CAST: variants seen among roughly 807,000 people sequenced by gnomAD.
CAST encodes the protein MIR583 host.
In CAST, 76 loss-of-function variants were observed where a neutral mutation model predicts 119.6. The ratio of observed to expected loss-of-function variants is 0.64; its 90% CI spans 0.53 to 0.77. The LOEUF is 0.77. CAST is among the 30% of genes least tolerant of loss of function. The pLI is 0.00. For missense variants in CAST, 953 were observed against 946.5 expected, an observed-to-expected ratio of 1.01 and a Z score of -0.09; for synonymous variants, 319 against 331.6, an observed-to-expected ratio of 0.96 and a Z score of 0.41.
chr5:96,101,174 T>C, the CAST span, among the ~76,000 whole-genome samples: 1 of 152,200 alleles, frequency 6.6e-6, no homozygotes, highest in East Asian at 1.9e-4. Flanking sequence ...GCCAAAGTGC[T>C]AGGATTACAG....
the CAST span, among the ~76,000 whole-genome samples, chr5:96,304,748 T>G: frequency 6.6e-6 from 1 of 152,242 alleles, no homozygotes; most frequent in Non-Finnish European, 1.5e-5. Context: ...TTGTCAAAGA[T>G]CAGATGGTTG....
intron 2 of CAST, among the ~76,000 whole-genome samples, chr5:96,681,577 C>G (rs896309883): frequency 1.3e-5 from 2 of 151,190 alleles, no homozygotes; most frequent in African/African-American, 4.9e-5. Flanking sequence ...ACTAAAAATA[C>G]AAAAAATTAG....
intron 1 of CAST, among the ~76,000 whole-genome samples, chr5:96,652,625 AT>A (rs745597922): frequency 2.6e-5 from 4 of 152,214 alleles, no homozygotes; most frequent in Non-Finnish European, 5.9e-5. Context: ...GACACACAGC[AT>A]TTGGCCTAAC....
chr5:96,271,427 A>G, the CAST span, among the ~76,000 whole-genome samples: 2 of 152,192 alleles, frequency 1.3e-5, no homozygotes, highest in African/African-American at 4.8e-5. Context: ...AACAGAATAG[A>G]GAACACAGAT....
the CAST span, among the ~76,000 whole-genome samples, chr5:96,319,821 T>G: frequency 2.6e-5 from 4 of 151,904 alleles, no homozygotes; most frequent in South Asian, 8.3e-4. Context: ...AAGTCAGGTG[T>G]CTGAACCTAG....
At chr5:96,384,851 G>C in the CAST span, among the ~76,000 whole-genome samples, 1 of 152,148 alleles carries the variant, frequency 6.6e-6, no homozygotes, top group Non-Finnish European at 1.5e-5. Flanking sequence ...GTACACGCTA[G>C]TATATATAAA....
chr5:96,442,585 A>G, the CAST span, among the ~76,000 whole-genome samples: 1 of 152,248 alleles, frequency 6.6e-6, no homozygotes. Flanking sequence ...TTGTAGGACA[A>G]TCATTTTCAG....
rs567307311 is a variant in CAST, at chr5:96,580,807, T to C, written c.60+50927T>C. Among the ~76,000 whole-genome samples, 10 of 152,354 alleles carry C rather than the reference T, an allele frequency of 6.6e-5. No individual in the cohort carries two copies. In the South Asian group the frequency reaches 1.9e-3, roughly 28 times the overall value. The stretch of plus-strand genomic sequence containing the variant: ...AAGCTAGAAATTGCTATGGTATGAA[T>C]GTTTCTGTCTCCTCAAAAATCGTGT... On this transcript the variant is annotated intron_variant, in intron 1 of 11. Transcript: ENST00000505143.
the CAST span, among the ~76,000 whole-genome samples, chr5:96,507,844 C>T: frequency 1.4e-4 from 21 of 152,172 alleles, 1 homozygote; most frequent in African/African-American, 5.1e-4. Context: ...TTAATCCACT[C>T]CCTTTCATGA....
At chr5:96,368,511 A>C in the CAST span, among the ~76,000 whole-genome samples, 3 of 151,656 alleles carry the variant, frequency 2.0e-5, no homozygotes, top group Non-Finnish European at 2.9e-5. Flanking sequence ...AAAAAAAAAA[A>C]AAAACAAAAA....
At chr5:96,214,286 C>A in the CAST span, among the ~76,000 whole-genome samples, 1 of 152,136 alleles carries the variant, frequency 6.6e-6, no homozygotes, top group Admixed American at 6.5e-5. Context: ...ATAAGCCATA[C>A]ATTTCCGGAG....
the CAST span, among the ~76,000 whole-genome samples, chr5:96,198,157 A>C: frequency 6.6e-6 from 1 of 152,128 alleles, no homozygotes; most frequent in African/African-American, 2.4e-5. Flanking sequence ...CGGCCTTTGC[A>C]GAGATGGGCT....
the CAST span, among the ~76,000 whole-genome samples, chr5:96,446,179 CA>C: frequency 3.5e-3 from 398 of 113,982 alleles, 2 homozygotes; most frequent in Admixed American, 6.4e-3. Context: ...TTTTAGTGTA[CA>C]AAAAAAAAAA....
chr5:96,541,080 C>T (rs893977510), intron 1 of CAST, among the ~76,000 whole-genome samples: 3 of 152,224 alleles, frequency 2.0e-5, no homozygotes, highest in Admixed American at 1.3e-4. Context: ...ACGTTTCCTT[C>T]CCTGTAGAGT....
chr5:96,156,008 G>T, the CAST span, among the ~76,000 whole-genome samples: 12 of 152,194 alleles, frequency 7.9e-5, no homozygotes, highest in African/African-American at 2.9e-4. Context: ...CAACCTTCTC[G>T]AAGCCTTTTG....
At chr5:96,051,272 C>T in the CAST span, among the ~76,000 whole-genome samples, 5 of 152,002 alleles carry the variant, frequency 3.3e-5, no homozygotes, top group Non-Finnish European at 5.9e-5. Flanking sequence ...TGACATTAGA[C>T]GTCAAGTATG....
chr5:96,451,982 C>T, the CAST span, among the ~76,000 whole-genome samples: 1 of 152,320 alleles, frequency 6.6e-6, no homozygotes, highest in African/African-American at 2.4e-5. Context: ...ATTAAAAAGT[C>T]AGGAAACAAC....
chr5:96,558,062 C>T (rs1451017492), intron 1 of CAST, among the ~76,000 whole-genome samples: 6 of 152,124 alleles, frequency 3.9e-5, no homozygotes, highest in Non-Finnish European at 5.9e-5. Flanking sequence ...CACTCAAAAC[C>T]GCTCAACTAC....
At chr5:96,426,754 A>G in the CAST span, among the ~76,000 whole-genome samples, 1 of 152,134 alleles carries the variant, frequency 6.6e-6, no homozygotes, top group Non-Finnish European at 1.5e-5. Context: ...CATGATGACA[A>G]TTCAGTGTGT....
Sources: allele counts gnomAD v4.1 joint callset (sites outside exome capture counted in the v4.1 genomes callset), GRCh38; gene constraint gnomAD v4.1.1; transcripts MANE v1.5; gene names NCBI Gene and HGNC (gene_info 2026-07-23, HGNC 2026-07-21).